The following ASH1L variants were observed in gnomAD, a reference collection of about 807,000 sequenced individuals.
The protein encoded by ASH1L is ASH1 like histone lysine methyltransferase.
Under a neutral mutation model 269.0 loss-of-function variants are expected in ASH1L, and 23 were observed. That is an observed-to-expected ratio of 0.09 (90% CI 0.06 to 0.12). ASH1L has a LOEUF of 0.12. ASH1L is among the 10% of genes least tolerant of loss of function. ASH1L has a pLI of 1.00. For synonymous variants in ASH1L, 1,187 were observed against 1,253.5 expected, an observed-to-expected ratio of 0.95 and a Z score of 1.12; for missense variants, 2,912 against 3,567.8, an observed-to-expected ratio of 0.82 and a Z score of 4.68.
intron 1 of ASH1L, among the ~76,000 whole-genome samples, chr1:155,545,345 CA>C (rs1220611316): frequency 6.6e-6 from 1 of 151,718 alleles, no homozygotes; most frequent in African/African-American, 2.4e-5. Flanking sequence ...TTACATTTTA[CA>C]TACTCTTTGA....
intron 4 of ASH1L, among the ~76,000 whole-genome samples, chr1:155,457,454 C>T (rs767176054): frequency 3.9e-5 from 6 of 152,170 alleles, no homozygotes; most frequent in Non-Finnish European, 2.9e-5. Context: ...TGCCTTTCTT[C>T]GAAAGTGCTG....
intron 17 of ASH1L, among the ~76,000 whole-genome samples, chr1:155,350,067 T>G (rs1653753969): frequency 6.6e-6 from 1 of 151,872 alleles, no homozygotes; most frequent in Non-Finnish European, 1.5e-5. Context: ...TTTTTTGTAT[T>G]TTTAGTAGAG....
At chr1:155,544,658 A>C (rs1670668085) in intron 1 of ASH1L, among the ~76,000 whole-genome samples, 1 of 152,184 alleles carries the variant, frequency 6.6e-6, no homozygotes, top group Non-Finnish European at 1.5e-5. Context: ...TGATTATGTT[A>C]AAGCAGTATA....
At chr1:155,533,669 G>A (rs796407056) in intron 1 of ASH1L, among the ~76,000 whole-genome samples, 28 of 148,884 alleles carry the variant, frequency 1.9e-4, no homozygotes, top group African/African-American at 6.7e-4. Flanking sequence ...AGCCCAGATC[G>A]CACCGCTGCA....
In ASH1L at chr1:155,349,036, A is replaced by C. The variant is rs1016393336; in HGVS notation, c.7554+291T>G. On this transcript the variant is annotated intron_variant, in intron 19 of 27. Transcript: ENST00000392403. ...ACTACAGATATTAGTTAAATGTATT[A>C]AAATATCTATATAACGCAGTCATAA... Among the ~76,000 whole-genome samples, 4 of 152,036 alleles carry C rather than the reference A, an allele frequency of 2.6e-5. No individual in the cohort carries two copies. The South Asian group carries it at 8.3e-4, about 31-fold the overall frequency.
intron 1 of ASH1L, among the ~76,000 whole-genome samples, chr1:155,558,194 T>C (rs61631408): frequency 0.049 from 7,445 of 152,082 alleles, 622 homozygotes; most frequent in African/African-American, 0.17. Flanking sequence ...GATGTGCAGG[T>C]GCGGTGGCTC....
At chr1:155,470,872 T>G (rs1665044985) in intron 3 of ASH1L, among the ~76,000 whole-genome samples, 1 of 152,164 alleles carries the variant, frequency 6.6e-6, no homozygotes, top group African/African-American at 2.4e-5. Context: ...AAATAACTGT[T>G]TGCTGAAAGA....
intron 2 of ASH1L, among the ~76,000 whole-genome samples, chr1:155,498,103 T>C (rs1667276824): frequency 6.6e-6 from 1 of 152,138 alleles, no homozygotes; most frequent in African/African-American, 2.4e-5. Context: ...AAAGATACTA[T>C]GCTAAGTGAA....
At chr1:155,353,530 G>C (rs966294384) in intron 16 of ASH1L, among the ~76,000 whole-genome samples, 1 of 152,136 alleles carries the variant, frequency 6.6e-6, no homozygotes, top group Non-Finnish European at 1.5e-5. Context: ...ATGATCTTTT[G>C]AACACTCTGT....
chr1:155,537,189 TTTAAGA>T (rs1220199327), intron 1 of ASH1L, among the ~76,000 whole-genome samples: 2 of 152,166 alleles, frequency 1.3e-5, no homozygotes, highest in African/African-American at 2.4e-5. Flanking sequence ...GCTGATAGAC[TTTAAGA>T]TTAAGAGGTA....
intron 4 of ASH1L, among the ~76,000 whole-genome samples, chr1:155,455,183 G>T (rs1663787314): frequency 6.6e-6 from 1 of 152,062 alleles, no homozygotes; most frequent in South Asian, 2.1e-4. Flanking sequence ...AGACCTCTAA[G>T]AGAGATGTAA....
At chr1:155,433,926 T>A in intron 5 of ASH1L, 4 of 1,587,392 alleles carry the variant, frequency 2.5e-6, no homozygotes, top group Non-Finnish European at 3.4e-6. Context: ...GAGAATTTGT[T>A]CCTGCAGTGC....
At chr1:155,399,308 A>G (rs1046586891) in intron 6 of ASH1L, among the ~76,000 whole-genome samples, 1 of 152,210 alleles carries the variant, frequency 6.6e-6, no homozygotes, top group Non-Finnish European at 1.5e-5. Context: ...GTATGTATGT[A>G]GATATCTAGA....
At chr1:155,476,258 C>T (rs1665536701) in intron 3 of ASH1L, among the ~76,000 whole-genome samples, 1 of 151,896 alleles carries the variant, frequency 6.6e-6, no homozygotes. Context: ...TGGTGGCATG[C>T]ACCTGTAGTC....
At chr1:155,542,530 C>T (rs888310540) in intron 1 of ASH1L, among the ~76,000 whole-genome samples, 4 of 151,694 alleles carry the variant, frequency 2.6e-5, no homozygotes, top group African/African-American at 7.3e-5. Flanking sequence ...GCCTGGGCAA[C>T]AGAGCAAGAC....
chr1:155,375,247 C>T (rs1656334349), intron 10 of ASH1L, among the ~76,000 whole-genome samples: 1 of 152,170 alleles, frequency 6.6e-6, no homozygotes, highest in African/African-American at 2.4e-5. Context: ...TTCCAGGGAA[C>T]AATCATTCAG....
chr1:155,368,551 G>A (rs899569879), intron 12 of ASH1L, among the ~76,000 whole-genome samples: 2 of 151,940 alleles, frequency 1.3e-5, no homozygotes, highest in East Asian at 3.9e-4. Flanking sequence ...TCCGCCTCGC[G>A]GGTTCAAGCA....
At chr1:155,484,962 C>CAAAAAAA (rs112179521) in intron 2 of ASH1L, among the ~76,000 whole-genome samples, 29 of 122,474 alleles carry the variant, frequency 2.4e-4, no homozygotes, top group African/African-American at 8.8e-4. Flanking sequence ...AAAACAAAAA[C>CAAAAAAA]AAAAACCAAC....
At chr1:155,362,537 C>T (rs982208419) in intron 12 of ASH1L, among the ~76,000 whole-genome samples, 1 of 151,900 alleles carries the variant, frequency 6.6e-6, no homozygotes, top group African/African-American at 2.4e-5. Context: ...AACCCTCATA[C>T]TACAAATAAG....
Sources: allele counts gnomAD v4.1 joint callset (sites outside exome capture counted in the v4.1 genomes callset), GRCh38; gene constraint gnomAD v4.1.1; transcripts MANE v1.5; gene names NCBI Gene and HGNC (gene_info 2026-07-23, HGNC 2026-07-21).